Variants in SUGP2 observed in about 807,000 individuals in gnomAD.
The protein encoded by SUGP2 is SURP and G-patch domain containing 2.
Under a neutral mutation model 90.5 loss-of-function variants are expected in SUGP2, and 24 were observed. The ratio of observed to expected loss-of-function variants is 0.27; its 90% CI spans 0.19 to 0.37. The LOEUF (loss-of-function observed/expected upper bound fraction) is 0.37, where lower values mean the gene tolerates loss of function less well. Ranked by LOEUF, SUGP2 falls within the 10% of genes least tolerant of loss-of-function variation. SUGP2 has a pLI of 1.00. For synonymous variants in SUGP2, 473 were observed against 513.4 expected (o/e 0.92, Z 1.06); for missense variants, 1,233 against 1,363.3 (o/e 0.90, Z 1.51).
At chr19:18,995,106 G>GCCCCCCCCCCAC in intron 9 of SUGP2, 38 bp downstream of exon 9, 13 of 1,584,758 alleles carry the variant, frequency 8.2e-6, no homozygotes, top group African/African-American at 2.7e-5. Context: ...AAGGACTGAG[G>GCCCCCCCCCCAC]CCCCACCCAC....
intron 6 of SUGP2, among the ~76,000 whole-genome samples, chr19:19,005,120 T>C (rs2058012187): frequency 1.3e-5 from 2 of 152,298 alleles, no homozygotes; most frequent in East Asian, 1.9e-4. Flanking sequence ...AGGAGGCTCC[T>C]CACCCCTAGC....
intron 3 of SUGP2, among the ~76,000 whole-genome samples, chr19:19,021,159 CAAAAAAAAAAAAA>C (rs386388689): frequency 1.5e-5 from 1 of 66,964 alleles, no homozygotes; most frequent in Non-Finnish European, 2.6e-5. Context: ...AATTCCATCT[CAAAAAAAAAAAAA>C]AAAAAAAAGC....
At chr19:19,003,859 A>ACAGG (rs1363814532) in intron 7 of SUGP2, among the ~76,000 whole-genome samples, 1 of 152,180 alleles carries the variant, frequency 6.6e-6, no homozygotes, top group Non-Finnish European at 1.5e-5. Flanking sequence ...TGACAAAGTC[A>ACAGG]CAGGCAGGAA....
Position 19,019,241 on chromosome 19 carries a change from A to G in SUGP2, c.1730-12T>C, listed in dbSNP as rs2058616854. On this transcript the variant is annotated splice_polypyrimidine_tract_variant and intron_variant, in intron 3 of 10. Coordinates refer to ENST00000452918, the MANE Select transcript of SUGP2 (RefSeq NM_001017392.5). ...TCGCTGGGGGACAGCTGGAACACAC[A>G]GAACAGCTTCTCTGAGAAATATGCT... The G allele has an allele frequency of 2.5e-6, 4 of 1,607,030 alleles. No individual in the cohort carries two copies. The highest frequency in any genetic ancestry group is 2.6e-6 in the Non-Finnish European group (3 of 1,174,380).
intron 7 of SUGP2, among the ~76,000 whole-genome samples, chr19:19,002,774 G>A (rs967353747): frequency 5.3e-5 from 8 of 151,510 alleles, no homozygotes; most frequent in Non-Finnish European, 8.8e-5. Context: ...TGGCCTCCCA[G>A]AGTGCTGGGA....
upstream of SUGP2, chr19:19,033,842 C>A: frequency 3.6e-6 from 1 of 276,364 alleles, no homozygotes. Flanking sequence ...ACAGCGCCTG[C>A]GCGCGTACGG....
rs1568413571 is a variant in SUGP2, at chr19:19,010,144, G to C, written c.2049C>G (p.Leu683=). 6 of 1,612,662 alleles carry C rather than the reference G, an allele frequency of 3.7e-6. No individual in the cohort carries two copies. In the South Asian group the frequency reaches 4.4e-5, roughly 12 times the overall value. ...TCCAGCCCCGGAGCCCTTGAGCACG[G>C]AGGAGCCCCCGCCGCTGCCACGGAA... ...KLLPWQRRGL[L]RAQGLRGWKA... is the part of the protein sequence containing the mutation. Residue 683 remains leucine (L), a synonymous_variant, in exon 5 of 11, where the codon CTC becomes CTG. Coordinates refer to ENST00000452918, the MANE Select transcript of SUGP2 (RefSeq NM_001017392.5).
intron 4 of SUGP2, among the ~76,000 whole-genome samples, chr19:19,018,709 G>A (rs1264369371): frequency 3.8e-5 from 4 of 104,778 alleles, no homozygotes; most frequent in Admixed American, 9.5e-5. Flanking sequence ...AAAAAAAAAA[G>A]TTGTTCTATT....
chr19:19,032,869 G>T lies in SUGP2; in HGVS notation c.-12+568C>A, dbSNP rs185905963. 6.5e-4 allele frequency among the ~76,000 whole-genome samples: 99 copies of T among 152,262 alleles called. 1 individual carries two copies. The highest frequency in any genetic ancestry group is 6.0e-3 in the Admixed American group (91 of 15,278). On this transcript the variant is annotated intron_variant, in intron 1 of 10. Transcript: ENST00000452918. ...AACCTCCAACTTCAAGAGACAACCC[G>T]TAGGGTCCATTTCCCATCACGATCA...
At chr19:19,019,779 C>G (rs967134037) in intron 3 of SUGP2, among the ~76,000 whole-genome samples, 2 of 138,872 alleles carry the variant, frequency 1.4e-5, no homozygotes, top group Non-Finnish European at 3.1e-5. Flanking sequence ...AAAAAAAAAA[C>G]TTGTGTTTTG....
intron 3 of SUGP2, among the ~76,000 whole-genome samples, chr19:19,019,633 T>C (rs1244644731): frequency 6.6e-6 from 1 of 151,620 alleles, no homozygotes; most frequent in Admixed American, 6.6e-5. Flanking sequence ...GTTCTCAATA[T>C]AAAGGTGGGA....
chr19:19,004,470 T>C lies in SUGP2; in HGVS notation c.2627A>G (p.Asp876Gly). Residue 876 changes from aspartate to glycine, a missense_variant, in exon 7 of 11, where the codon GAC (aspartate) becomes GGC (glycine). By Grantham distance (94) the Asp-to-Gly change is moderately conservative. Around this residue, in one of 8 missense-constraint regions of SUGP2, gnomAD observed 540 missense variants for 542.6 expected, o/e 1.00. Coordinates refer to ENST00000452918, the MANE Select transcript of SUGP2 (RefSeq NM_001017392.5). ...DLMEGEAEFE[D>G]EPPPREAELE... ...CTCAGCCTCCCGCGGAGGGGGCTCG[T>C]CTTCAAACTCTGCTTCCCCTTCCAT... 1 of 1,614,184 alleles carries C rather than the reference T, an allele frequency of 6.2e-7. No homozygotes were observed. Among genetic ancestry groups the C allele is most frequent in the Non-Finnish European group, 8.5e-7 (1 of 1,180,032 alleles).
At chr19:19,010,419 CCTTT>C (rs1199592866) in intron 4 of SUGP2, 77 bp from the exon 5 acceptor site, 8 of 1,547,008 alleles carry the variant, frequency 5.2e-6, no homozygotes, top group African/African-American at 2.7e-5. Context: ...AAACACAAAC[CCTTT>C]CTAAGTGGCC....
At chr19:19,008,570 T>G in intron 5 of SUGP2, 142 bp from the exon 6 acceptor site, 1 of 697,356 alleles carries the variant, frequency 1.4e-6, no homozygotes, top group Middle Eastern at 3.9e-4. Context: ...ATGTGGACCC[T>G]TTGTCACCAA....
intron 6 of SUGP2, among the ~76,000 whole-genome samples, chr19:19,007,865 T>C (rs1169695002): frequency 6.6e-6 from 1 of 150,898 alleles, no homozygotes; most frequent in Non-Finnish European, 1.5e-5. Context: ...GTTTAAGCGA[T>C]TCTCATGCCT....
chr19:19,012,862 T>A (rs996127444), intron 4 of SUGP2, among the ~76,000 whole-genome samples: 1 of 152,234 alleles, frequency 6.6e-6, no homozygotes, highest in African/African-American at 2.4e-5. Flanking sequence ...GTTTTGGACT[T>A]AAATGATTTT....
At position 19,024,689 on chromosome 19, in the gene SUGP2, T is replaced by C; in HGVS notation, c.1659A>G (p.Arg553=). Residue 553 remains arginine (R), a synonymous_variant, in exon 3 of 11, where the codon CGA becomes CGG. Transcript: ENST00000452918. ...TAGGAGGAATCATTTTCTCCTCCTC[T>C]CGCATCGGCTCTGGTTCGGCTTTCT... ...QVKKAEPEPM[R]EEEKMIPPTK... 1.9e-6 allele frequency: 3 copies of C among 1,614,232 alleles called. No homozygotes were observed. Among genetic ancestry groups the C allele is most frequent in the Non-Finnish European group, 2.5e-6 (3 of 1,180,044 alleles).
intron 1 of SUGP2, among the ~76,000 whole-genome samples, chr19:19,032,878 A>G (rs28619464): frequency 0.022 from 3,382 of 151,910 alleles, 125 homozygotes; most frequent in African/African-American, 0.078. Context: ...CGTAGGGTCC[A>G]TTTCCCATCA....
chr19:19,033,396 C>G (rs1223769152), intron 1 of SUGP2, 41 bp downstream of exon 1: 4 of 1,265,480 alleles, frequency 3.2e-6, no homozygotes, highest in Non-Finnish European at 4.0e-6. Flanking sequence ...GCTTCCCACC[C>G]CGGGAGCCAC....
Sources: gnomAD v4.1 joint callset for allele counts (sites outside exome capture counted in the v4.1 genomes callset) on GRCh38, gnomAD v4.1.1 for gene constraint, gnomAD v4.1.1 regional missense constraint, MANE v1.5 for transcripts, NCBI Gene and HGNC (gene_info 2026-07-23, HGNC 2026-07-21) for gene names.